The following ACADM variants were observed in gnomAD, a reference collection of about 807,000 sequenced individuals.
The protein encoded by ACADM is acyl-CoA dehydrogenase medium chain.
In ACADM, 49 loss-of-function variants were observed where a neutral mutation model predicts 58.9. The ratio of observed to expected loss-of-function variants is 0.83; its 90% CI spans 0.66 to 1.06. The LOEUF is 1.06. ACADM is among the 50% of genes least tolerant of loss of function. The pLI, the probability that ACADM is intolerant of heterozygous loss-of-function variation, is 0.00. For synonymous variants in ACADM, 160 were observed against 157.7 expected (o/e 1.01, Z -0.11); for missense variants, 496 against 507.0 (o/e 0.98, Z 0.21).
In ACADM at chr1:75,756,566, A is replaced by G. The variant is rs542636905; in HGVS notation, c.946-4556A>G. On this transcript the variant is annotated intron_variant, in intron 10 of 11. Coordinates refer to ENST00000370841, the MANE Select transcript of ACADM (RefSeq NM_000016.6). ...ACCACTCAATGAAATAAAAGAGGAC[A>G]CAAACAAGTGGAAGAACATTCCATG... Among the ~76,000 whole-genome samples, 10 of 152,366 alleles carry G rather than the reference A, an allele frequency of 6.6e-5. No homozygotes were observed. The South Asian group carries it at 2.1e-3, about 32-fold the overall frequency.
At chr1:75,749,950 A>T (rs1214556014) in intron 9 of ACADM, among the ~76,000 whole-genome samples, 1 of 152,024 alleles carries the variant, frequency 6.6e-6, no homozygotes, top group African/African-American at 2.4e-5. Flanking sequence ...TGACCTCGTG[A>T]TCTGCCTACC....
intron 8 of ACADM, among the ~76,000 whole-genome samples, 199 bp downstream of exon 8, chr1:75,746,113 A>G (rs903584902): frequency 6.6e-6 from 1 of 152,250 alleles, no homozygotes; most frequent in African/African-American, 2.4e-5. Flanking sequence ...ATTTTGAAAG[A>G]GTAGTACCAA....
chr1:75,752,455 C>T (rs1648260714), intron 10 of ACADM, among the ~76,000 whole-genome samples: 1 of 152,192 alleles, frequency 6.6e-6, no homozygotes, highest in Non-Finnish European at 1.5e-5. Context: ...GCACTGTGGA[C>T]AAACTTGGAT....
At chr1:75,745,630 G>T in intron 7 of ACADM, 176 bp from the exon 8 acceptor site, 1 of 633,848 alleles carries the variant, frequency 1.6e-6, no homozygotes, top group Non-Finnish European at 2.8e-6. Flanking sequence ...TCAAATACTA[G>T]CTCTTCCATA....
chr1:75,725,250 AAG>A (rs1647033177), intron 1 of ACADM, among the ~76,000 whole-genome samples: 1 of 131,408 alleles, frequency 7.6e-6, no homozygotes, highest in Non-Finnish European at 1.6e-5. Context: ...GGAAAAAAAA[AAG>A]TAAAAAAAAA....
intron 2 of ACADM, among the ~76,000 whole-genome samples, chr1:75,731,166 C>G (rs1045956884): frequency 6.7e-6 from 1 of 149,812 alleles, no homozygotes; most frequent in Non-Finnish European, 1.5e-5. Context: ...GTAGTCCCAG[C>G]TGCTCAGGAG....
At chr1:75,744,103 C>T in intron 7 of ACADM, 1 of 1,588,766 alleles carries the variant, frequency 6.3e-7, no homozygotes, top group Non-Finnish European at 8.6e-7. Context: ...TGTTCATTTT[C>T]TCCTGATGTT....
intron 10 of ACADM, among the ~76,000 whole-genome samples, chr1:75,754,651 A>T (rs1313803543): frequency 6.6e-6 from 1 of 152,260 alleles, no homozygotes; most frequent in Non-Finnish European, 1.5e-5. Flanking sequence ...AAGGGTTCCA[A>T]GATGGCTGAA....
At chr1:75,726,019 G>T (rs1647049639) in intron 1 of ACADM, among the ~76,000 whole-genome samples, 1 of 152,118 alleles carries the variant, frequency 6.6e-6, no homozygotes. Context: ...CAGGTTGATG[G>T]GCATTGTATT....
intron 10 of ACADM, among the ~76,000 whole-genome samples, chr1:75,755,443 C>T (rs1648449386): frequency 6.6e-6 from 1 of 152,192 alleles, no homozygotes; most frequent in Non-Finnish European, 1.5e-5. Flanking sequence ...CAATGTTTGT[C>T]ATTCTGCAAT....
chr1:75,741,638 A>G (rs1416882963), intron 7 of ACADM, among the ~76,000 whole-genome samples: 1 of 152,214 alleles, frequency 6.6e-6, no homozygotes, highest in Non-Finnish European at 1.5e-5. Context: ...ACAACTGTTC[A>G]CTGTTCATAT....
rs1325609596 is a variant in ACADM, at chr1:75,728,435, C to A, written c.65C>A (p.Ser22Ter). ...AGTATTTCTCGTTTTCATTGGAGAT[C>A]ACAGCATACAAAAGCCAATCGACAA... ...LRSISRFHWR[S>*]QHTKANRQRE... Residue 22 changes from serine (S) to a stop codon, truncating the protein, a stop_gained, in exon 2 of 12, where the codon TCA becomes TAA. Transcript: ENST00000370841. LOFTEE classifies it high-confidence loss of function. The A allele has an allele frequency of 3.1e-6, 5 of 1,613,472 alleles. No individual in the cohort carries two copies. In the South Asian group the frequency reaches 5.5e-5, roughly 18 times the overall value.
chr1:75,741,611 AAAAG>A (rs1445695137), intron 7 of ACADM, among the ~76,000 whole-genome samples: 2 of 152,170 alleles, frequency 1.3e-5, no homozygotes, highest in African/African-American at 4.8e-5. Context: ...AATTAAAACA[AAAAG>A]AAAGAACTGA....
intron 10 of ACADM, among the ~76,000 whole-genome samples, chr1:75,755,599 C>T (rs114618810): frequency 1.3e-5 from 2 of 152,248 alleles, no homozygotes; most frequent in South Asian, 2.1e-4. Context: ...ACACCAAAAC[C>T]GCATCTGTAC....
chr1:75,739,422 A>T (rs1342990360), intron 6 of ACADM, among the ~76,000 whole-genome samples: 1 of 152,226 alleles, frequency 6.6e-6, no homozygotes, highest in East Asian at 1.9e-4. Flanking sequence ...ATTGAATTTA[A>T]TGAACTTGTT....
chr1:75,751,063 C>T (rs568738913), intron 10 of ACADM, among the ~76,000 whole-genome samples: 2 of 149,100 alleles, frequency 1.3e-5, no homozygotes, highest in South Asian at 2.3e-4. Context: ...ATTTTCTAGC[C>T]GGGCGCGGTG....
At chr1:75,731,554 A>C (rs772104575) in intron 2 of ACADM, among the ~76,000 whole-genome samples, 3 of 152,152 alleles carry the variant, frequency 2.0e-5, no homozygotes, top group Non-Finnish European at 4.4e-5. Flanking sequence ...TCCTCTCCTC[A>C]ATCAAGCCAC....
intron 6 of ACADM, among the ~76,000 whole-genome samples, 185 bp downstream of exon 6, chr1:75,735,056 G>A (rs566335090): frequency 2.6e-4 from 39 of 152,130 alleles, no homozygotes; most frequent in South Asian, 6.2e-4. Flanking sequence ...GCAATGGCTC[G>A]CACCTGTAAT....
At chr1:75,742,235 C>T (rs1211428287) in intron 7 of ACADM, among the ~76,000 whole-genome samples, 2 of 151,658 alleles carry the variant, frequency 1.3e-5, no homozygotes, top group African/African-American at 2.4e-5. Flanking sequence ...TGTCAGCAGC[C>T]TCAGGCCTGG....
Sources: allele counts gnomAD v4.1 joint callset (sites outside exome capture counted in the v4.1 genomes callset), GRCh38; gene constraint gnomAD v4.1.1; transcripts MANE v1.5; gene names NCBI Gene and HGNC (gene_info 2026-07-23, HGNC 2026-07-21).